Variants in NUP214 observed in about 807,000 individuals in gnomAD.
NUP214 encodes the protein nucleoporin 214.
A neutral mutation model predicts 196.2 loss-of-function variants in NUP214; 79 were observed. The ratio of observed to expected loss-of-function variants is 0.40; its 90% CI spans 0.34 to 0.49. The LOEUF (loss-of-function observed/expected upper bound fraction) is 0.49, where lower values mean the gene tolerates loss of function less well. NUP214 is among the 20% of genes least tolerant of loss of function. The pLI, the probability that NUP214 is intolerant of heterozygous loss-of-function variation, is 0.58. For synonymous variants in NUP214, 1,020 were observed against 990.5 expected (o/e 1.03, Z -0.56); for missense variants, 2,468 against 2,539.0 (o/e 0.97, Z 0.60).
chr9:131,231,700 G>T (rs1218990971), intron 34 of NUP214, among the ~76,000 whole-genome samples: 1 of 151,082 alleles, frequency 6.6e-6, no homozygotes, highest in Non-Finnish European at 1.5e-5. Context: ...TGCTTCTTCA[G>T]ATGGCAGAAT....
intron 13 of NUP214, among the ~76,000 whole-genome samples, 188 bp from the exon 14 acceptor site, chr9:131,147,302 A>G (rs1235868623): frequency 2.6e-5 from 4 of 152,122 alleles, no homozygotes; most frequent in African/African-American, 4.8e-5. Context: ...AAATTTTAAT[A>G]TATTTTTTTC....
intron 21 of NUP214, among the ~76,000 whole-genome samples, chr9:131,169,494 A>C (rs79171487): frequency 0.04 from 6,162 of 152,284 alleles, 163 homozygotes; most frequent in African/African-American, 0.078. Flanking sequence ...TAAATATATA[A>C]ATTTTAAAAA....
At chr9:131,149,729 T>G (rs1026003172) in intron 14 of NUP214, among the ~76,000 whole-genome samples, 6 of 152,154 alleles carry the variant, frequency 3.9e-5, no homozygotes, top group African/African-American at 1.4e-4. Flanking sequence ...ACGTTTAGAA[T>G]AGAACCCAAA....
At chr9:131,151,667 C>T in intron 16 of NUP214, 69 bp from the exon 17 acceptor site, 7 of 1,275,498 alleles carry the variant, frequency 5.5e-6, no homozygotes, top group Non-Finnish European at 7.6e-6. Flanking sequence ...ACACCACCTT[C>T]CTTGATCCAA....
At chr9:131,135,227 A>C (rs887888300) in intron 8 of NUP214, 3 of 477,022 alleles carry the variant, frequency 6.3e-6, no homozygotes, top group African/African-American at 6.0e-5. Context: ...ATGGGACTAC[A>C]AGCACATGCC....
chr9:131,165,883 A>G (rs1832774972), intron 21 of NUP214, among the ~76,000 whole-genome samples: 1 of 152,248 alleles, frequency 6.6e-6, no homozygotes, highest in Non-Finnish European at 1.5e-5. Flanking sequence ...GATTCCACTT[A>G]TATGAAGTAT....
intron 29 of NUP214, 147 bp downstream of exon 29, chr9:131,199,162 G>T: frequency 9.9e-7 from 1 of 1,010,796 alleles, no homozygotes. Flanking sequence ...GAGCACATGT[G>T]GTCTCAGGAA....
chr9:131,223,323 T>C (rs1834615090), intron 32 of NUP214, among the ~76,000 whole-genome samples: 1 of 151,936 alleles, frequency 6.6e-6, no homozygotes. Flanking sequence ...TGTGCCACCA[T>C]GCCCAGCTAA....
Position 131,198,746 on chromosome 9 carries a change from G to A in NUP214, c.5252G>A (p.Ser1751Asn). Residue 1751 changes from serine to asparagine, a missense_variant, in exon 29 of 36, where the codon AGT becomes AAT. Physicochemically the swap from Ser to Asn is conservative, Grantham distance 46. This residue lies in a region of NUP214 where 1,801 missense variants were observed against 1,779.4 expected (regional missense o/e 1.01). Transcript: ENST00000359428. ...SVFSFSQPGF[S>N]SVPAFGQPAS... The stretch of plus-strand genomic sequence containing the variant: ...TTTTCCTTCAGTCAGCCTGGGTTCA[G>A]TTCCGTGCCTGCCTTCGGTCAGCCT... 1 of 1,614,216 alleles carries A rather than the reference G, an allele frequency of 6.2e-7. No individual in the cohort carries two copies. Among genetic ancestry groups the A allele is most frequent in the Non-Finnish European group, 8.5e-7 (1 of 1,180,046 alleles).
rs781305596 is a variant in NUP214 at position 131,230,716 on chromosome 9, C to A, written c.6161C>A (p.Ser2054Tyr). ...PTFGSLSQQT[S>Y]GFGTQSSGFS... is the part of the protein sequence containing the mutation. ...TTCGGATCACTGTCCCAACAGACTT[C>A]TGGTTTTGGGACCCAGAGTAGCGGA... The change falls in exon 34 of 36, where the codon TCT becomes TAT. Residue 2054 changes from serine (S) to tyrosine (Y), a missense_variant. Transcript: ENST00000359428. 67 of 1,614,048 alleles carry A rather than the reference C, an allele frequency of 4.2e-5. No homozygotes were observed. Among genetic ancestry groups the A allele is most frequent in the Non-Finnish European group, 5.6e-5 (66 of 1,180,028 alleles).
At chr9:131,201,795 C>A in intron 30 of NUP214, 78 bp downstream of exon 30, 1 of 1,213,636 alleles carries the variant, frequency 8.2e-7, no homozygotes, top group Non-Finnish European at 1.2e-6. Flanking sequence ...GTAGTCAGTT[C>A]GTGTTGTATA....
chr9:131,224,770 A>C (rs1834677532), intron 32 of NUP214, among the ~76,000 whole-genome samples: 1 of 152,206 alleles, frequency 6.6e-6, no homozygotes, highest in South Asian at 2.1e-4. Context: ...TTTTTGCTAC[A>C]CACACAGTGC....
chr9:131,131,175 T>C (rs546126365), intron 5 of NUP214, among the ~76,000 whole-genome samples: 51 of 152,258 alleles, frequency 3.3e-4, no homozygotes, highest in African/African-American at 1.2e-3. Flanking sequence ...TAAAAACAGC[T>C]CAAGGGAAAA....
intron 30 of NUP214, among the ~76,000 whole-genome samples, chr9:131,206,252 T>A (rs565155747): frequency 1.3e-4 from 20 of 149,134 alleles, no homozygotes; most frequent in African/African-American, 4.7e-4. Context: ...CTCAAGTGAT[T>A]CTCCTGCCTT....
Position 131,198,604 on chromosome 9 carries a change from A to G in NUP214, c.5110A>G (p.Ser1704Gly). 1 of 1,614,246 alleles carries G rather than the reference A, an allele frequency of 6.2e-7. No homozygotes were observed. Among genetic ancestry groups the G allele is most frequent in the Non-Finnish European group, 8.5e-7 (1 of 1,180,034 alleles). The change falls in exon 29 of 36, where the codon AGC becomes GGC. Residue 1704 changes from serine (S) to glycine (G), a missense_variant. Physicochemically the swap from Ser to Gly is moderately conservative, Grantham distance 56 (BLOSUM62 0). Around this residue, in one of 5 missense-constraint regions of NUP214, gnomAD observed 1,801 missense variants for 1,779.4 expected, o/e 1.01. Coordinates refer to ENST00000359428, the MANE Select transcript of NUP214 (RefSeq NM_005085.4). ...ASTAAATPQV[S>G]SSGFSSPAFG... The stretch of plus-strand genomic sequence containing the variant: ...CACAGCAGCTGCCACACCACAGGTC[A>G]GCAGCTCAGGGTTTAGCAGCCCAGC...
At chr9:131,151,033 C>G (rs1832244073) in intron 16 of NUP214, among the ~76,000 whole-genome samples, 1 of 152,142 alleles carries the variant, frequency 6.6e-6, no homozygotes, top group South Asian at 2.1e-4. Context: ...CCCTTTGATG[C>G]ATACTGTGCA....
chr9:131,149,634 C>A (rs953444638), intron 14 of NUP214, among the ~76,000 whole-genome samples: 5 of 151,918 alleles, frequency 3.3e-5, no homozygotes, highest in African/African-American at 1.2e-4. Flanking sequence ...CTCTGCTATC[C>A]CTGCTCTACA....
At position 131,174,247 on chromosome 9, in the gene NUP214, T is replaced by A; in HGVS notation, c.3086T>A (p.Leu1029Ter). Residue 1029 changes from leucine (L) to a stop codon, truncating the protein, a stop_gained, in exon 22 of 36, where the codon TTG (leucine) becomes TAG (stop). Transcript: ENST00000359428. LOFTEE classifies it high-confidence loss of function. ...VRTPSIQPSL[L>*]PHAAPFAKSH... Reference sequence around the variant, plus strand: ...ACTCCTTCCATCCAGCCCAGTCTCTTGCCCCATGCAGCACCTTTTGCTAAA... The same window carrying A: ...ACTCCTTCCATCCAGCCCAGTCTCTAGCCCCATGCAGCACCTTTTGCTAAA... 1 of 1,614,000 alleles carries A rather than the reference T, an allele frequency of 6.2e-7. No individual in the cohort carries two copies. The highest frequency in any genetic ancestry group is 8.5e-7 in the Non-Finnish European group (1 of 1,179,962).
Position 131,134,969 on chromosome 9 carries a change from A to G in NUP214, c.903A>G (p.Arg301=), listed in dbSNP as rs756423340. 123 of 1,613,594 alleles carry G rather than the reference A, an allele frequency of 7.6e-5. No homozygotes were observed. Among genetic ancestry groups the G allele is most frequent in the Non-Finnish European group, 9.6e-5 (113 of 1,179,710 alleles). ...CCTGTTATGGCAGCTGCACGGAGAG[A>G]CAGCATCATTACTACCTCAGTTACA... ...MEPCYGSCTE[R]QHHYYLSYIE... Residue 301 remains arginine, a synonymous_variant, in exon 8 of 36, where the codon AGA becomes AGG. Coordinates refer to ENST00000359428, the MANE Select transcript of NUP214 (RefSeq NM_005085.4).
Sources: gnomAD v4.1 joint callset for allele counts (sites outside exome capture counted in the v4.1 genomes callset) on GRCh38, gnomAD v4.1.1 for gene constraint, gnomAD v4.1.1 regional missense constraint, MANE v1.5 for transcripts, NCBI Gene and HGNC (gene_info 2026-07-23, HGNC 2026-07-21) for gene names.